CFAP43: variants seen among roughly 807,000 people sequenced by gnomAD.
CFAP43 encodes the protein cilia and flagella associated protein 43.
Under a neutral mutation model 218.9 loss-of-function variants are expected in CFAP43, and 155 were observed. The observed-to-expected ratio is 0.71, with a 90% CI of 0.62 to 0.81. The LOEUF is 0.81. Among genes scored for constraint, CFAP43 ranks in the 30% least tolerant of loss-of-function variants. CFAP43 has a pLI of 0.00. For synonymous variants in CFAP43, 645 were observed against 681.3 expected, an observed-to-expected ratio of 0.95 and a Z score of 0.83; for missense variants, 1,778 against 1,954.3, an observed-to-expected ratio of 0.91 and a Z score of 1.70.
At chr10:104,228,554 T>C (rs978707334) in intron 2 of CFAP43, among the ~76,000 whole-genome samples, 7 of 152,192 alleles carry the variant, frequency 4.6e-5, no homozygotes, top group African/African-American at 1.2e-4. Flanking sequence ...TGAGTACTCC[T>C]TGCTGTCTAA....
Position 104,130,038 on chromosome 10 carries a change from C to T in CFAP43, c.*101G>A. ...TAAAACATGCAACTCAGAGGACATG[C>T]TACTTCAATTTCCCAGTAAGAAAGA... is the stretch of plus-strand genomic sequence containing the variant. On this transcript the variant is annotated 3_prime_UTR_variant, in exon 38 of 38. Transcript: ENST00000357060. 7.4e-7 allele frequency: 1 copy of T among 1,358,980 alleles called. No homozygotes were observed. 84.2% of individuals were successfully genotyped at this position (1,358,980 alleles called of 1,614,324 possible).
rs2087181200 is a variant in CFAP43 at position 104,131,326 on chromosome 10, C to T, written c.4831+5G>A. On this transcript the variant is annotated splice_donor_5th_base_variant and intron_variant, in intron 37 of 37. Coordinates refer to ENST00000357060, the MANE Select transcript of CFAP43 (RefSeq NM_025145.7). Reference sequence around the variant, plus strand: ...AGTTGGTTAAAGAAAAAAAAGCATGCTTACCCATTGCATTACAGATGTCTT... The same window carrying T: ...AGTTGGTTAAAGAAAAAAAAGCATGTTTACCCATTGCATTACAGATGTCTT... 3 of 1,606,458 alleles carry T rather than the reference C, an allele frequency of 1.9e-6. No homozygotes were observed. The highest frequency in any genetic ancestry group is 2.5e-6 in the Non-Finnish European group (3 of 1,178,358).
intron 3 of CFAP43, among the ~76,000 whole-genome samples, chr10:104,215,435 A>G (rs939517223): frequency 1.3e-5 from 2 of 152,010 alleles, no homozygotes; most frequent in African/African-American, 2.4e-5. Flanking sequence ...TGCCCAACAC[A>G]TCAACCACAC....
At position 104,145,868 on chromosome 10, in the gene CFAP43, T is replaced by G. The variant is rs566977366; in HGVS notation, c.3856-304A>C. Among the ~76,000 whole-genome samples, 277 of 152,346 alleles carry G rather than the reference T, an allele frequency of 1.8e-3. 1 individual carries two copies. Among genetic ancestry groups the G allele is most frequent in the African/African-American group, 6.3e-3 (262 of 41,580 alleles). ...CCAAAAAACATGAATGTTACTCTAT[T>G]CTTTTCTTTTCTATTCCATTCTGTT... is the stretch of plus-strand genomic sequence containing the variant. On this transcript the variant is annotated intron_variant, in intron 30 of 37. Coordinates refer to ENST00000357060, the MANE Select transcript of CFAP43 (RefSeq NM_025145.7).
chr10:104,205,901 G>A, intron 7 of CFAP43, 62 bp downstream of exon 7: 1 of 1,389,340 alleles, frequency 7.2e-7, no homozygotes, highest in Non-Finnish European at 1.0e-6. Flanking sequence ...ATAGTAAATG[G>A]CAACAAATGG....
At chr10:104,230,922 A>G (rs1175063099) in intron 1 of CFAP43, 79 bp from the exon 2 acceptor site, 1 of 1,423,264 alleles carries the variant, frequency 7.0e-7, no homozygotes, top group Non-Finnish European at 9.3e-7. Context: ...AGGGTCATCA[A>G]AATCTTTGAA....
Position 104,203,670 on chromosome 10 carries a change from A to G in CFAP43, c.1095+2T>C. ...ATATCAAGAAATTACCATCCAACAT[A>G]CCTTGTCTGTTTGAATCAGCAACAC... On this transcript the variant is annotated splice_donor_variant, in intron 8 of 37. Transcript: ENST00000357060. LOFTEE classifies it high-confidence loss of function. 1.3e-6 allele frequency: 2 copies of G among 1,599,108 alleles called. No individual in the cohort carries two copies. The highest frequency in any genetic ancestry group is 1.7e-6 in the Non-Finnish European group (2 of 1,174,702).
chr10:104,189,044 T>G (rs1300308032), intron 12 of CFAP43, among the ~76,000 whole-genome samples: 2 of 152,150 alleles, frequency 1.3e-5, no homozygotes, highest in African/African-American at 4.8e-5. Context: ...ACCAAGGACA[T>G]CTACATAAAC....
chr10:104,229,374 C>G (rs1014083655), intron 2 of CFAP43, among the ~76,000 whole-genome samples: 2 of 151,992 alleles, frequency 1.3e-5, no homozygotes, highest in Non-Finnish European at 2.9e-5. Context: ...GTCATTAGGC[C>G]GGGCACAGTG....
At chr10:104,219,362 C>G (rs967387171) in intron 3 of CFAP43, among the ~76,000 whole-genome samples, 2 of 152,190 alleles carry the variant, frequency 1.3e-5, no homozygotes, top group African/African-American at 4.8e-5. Flanking sequence ...CATCTCTCAC[C>G]TGGACCACCA....
At chr10:104,159,474 A>T (rs79066113) in intron 27 of CFAP43, among the ~76,000 whole-genome samples, 1 of 152,174 alleles carries the variant, frequency 6.6e-6, no homozygotes, top group South Asian at 2.1e-4. Flanking sequence ...TTGATGATGC[A>T]GGAAAGAAGA....
chr10:104,168,637 C>A lies in CFAP43; in HGVS notation c.2691+107G>T, dbSNP rs977497824. The A allele has an allele frequency of 1.5e-4, 130 of 857,410 alleles. 1 individual carries two copies. The East Asian group carries it at 3.3e-3, about 22-fold the overall frequency. 53.1% of individuals were successfully genotyped at this position (857,410 alleles called of 1,614,324 possible). On this transcript the variant is annotated intron_variant, in intron 21 of 37. Coordinates refer to ENST00000357060, the MANE Select transcript of CFAP43 (RefSeq NM_025145.7). ...AGTATAGGAAGGGGCAAGCCATGCT[C>A]TCAGTGCTTTGCTATGCCTGAATTT...
At chr10:104,157,958 G>A (rs1439895965) in intron 27 of CFAP43, among the ~76,000 whole-genome samples, 1 of 152,104 alleles carries the variant, frequency 6.6e-6, no homozygotes, top group African/African-American at 2.4e-5. Context: ...GTTAGAAACG[G>A]AGAAAGTGCT....
At chr10:104,221,734 G>C (rs988892805) in intron 3 of CFAP43, among the ~76,000 whole-genome samples, 1 of 152,116 alleles carries the variant, frequency 6.6e-6, no homozygotes, top group African/African-American at 2.4e-5. Context: ...CTTATAATCT[G>C]TTTGAAAATT....
intron 12 of CFAP43, among the ~76,000 whole-genome samples, chr10:104,191,771 T>A (rs867576015): frequency 8.4e-4 from 95 of 112,866 alleles, no homozygotes; most frequent in Middle Eastern, 4.3e-3. Context: ...AGGAGAATTT[T>A]AAAAAAAATT....
At chr10:104,214,784 C>CA (rs2090967940) in intron 3 of CFAP43, among the ~76,000 whole-genome samples, 1 of 152,168 alleles carries the variant, frequency 6.6e-6, no homozygotes, top group Non-Finnish European at 1.5e-5. Flanking sequence ...TGTGAGTACT[C>CA]CATATGGATC....
chr10:104,149,786 T>C (rs931590377), intron 28 of CFAP43, among the ~76,000 whole-genome samples: 1 of 152,192 alleles, frequency 6.6e-6, no homozygotes, highest in African/African-American at 2.4e-5. Flanking sequence ...ATAATTCACA[T>C]ACCATACAAT....
intron 29 of CFAP43, 22 bp from the exon 30 acceptor site, chr10:104,146,371 T>G (rs1239256221): frequency 6.2e-7 from 1 of 1,600,552 alleles, no homozygotes; most frequent in African/African-American, 1.3e-5. Context: ...TCAGGAATAG[T>G]TGATTGAAAC....
intron 24 of CFAP43, 86 bp from the exon 25 acceptor site, chr10:104,162,489 G>T: frequency 8.6e-7 from 1 of 1,167,898 alleles, no homozygotes; most frequent in Non-Finnish European, 1.3e-6. Context: ...GAGGCTGGAA[G>T]ATACTAAGGG....
Sources: allele counts gnomAD v4.1 joint callset (sites outside exome capture counted in the v4.1 genomes callset), GRCh38; gene constraint gnomAD v4.1.1; transcripts MANE v1.5; gene names NCBI Gene and HGNC (gene_info 2026-07-23, HGNC 2026-07-21).